Variants in SLC35F3 observed in about 807,000 individuals in gnomAD.
SLC35F3 encodes the protein solute carrier family 35 member F3, also known as putative thiamine transporter SLC35F3.
SLC35F3 carries 25 observed loss-of-function variants against 49.9 expected under a neutral mutation model. The ratio of observed to expected loss-of-function variants is 0.50; its 90% CI spans 0.37 to 0.70. SLC35F3 has a LOEUF of 0.70. Among genes scored for constraint, SLC35F3 ranks in the 30% least tolerant of loss-of-function variants. The pLI is 0.00. For missense variants in SLC35F3, 525 were observed against 639.8 expected (o/e 0.82, Z 1.94); for synonymous variants, 275 against 265.4 (o/e 1.04, Z -0.35).
rs115348471 is a variant in SLC35F3, at chr1:234,221,115, T to C, written c.284-10302T>C. On this transcript the variant is annotated intron_variant, in intron 2 of 7. Transcript: ENST00000366618. ...AACCGAGAAGAAAGAGAGAGAGTGA[T>C]GTGTCAGATGCAACCAAGAGAGGGT... 2.6e-3 allele frequency among the ~76,000 whole-genome samples: 394 copies of C among 151,780 alleles called. 6 individuals carry two copies. The highest frequency in any genetic ancestry group is 9.2e-3 in the African/African-American group (381 of 41,390).
At chr1:234,287,086 C>A (rs1668432809) in intron 3 of SLC35F3, among the ~76,000 whole-genome samples, 1 of 152,070 alleles carries the variant, frequency 6.6e-6, no homozygotes, top group Admixed American at 6.6e-5. Context: ...TTAGTCCCAG[C>A]TACTTGGGAG....
At chr1:234,195,141 G>A (rs1436318308) in intron 2 of SLC35F3, among the ~76,000 whole-genome samples, 1 of 152,186 alleles carries the variant, frequency 6.6e-6, no homozygotes. Context: ...AGTAACCCAA[G>A]GACACGTGTG....
At chr1:233,954,763 G>A (rs919320906) in intron 2 of SLC35F3, among the ~76,000 whole-genome samples, 5 of 152,154 alleles carry the variant, frequency 3.3e-5, no homozygotes, top group Admixed American at 3.3e-4. Context: ...TCCCTGATAA[G>A]CATAGCAAAC....
chr1:234,015,751 T>C (rs1027709730), intron 2 of SLC35F3, among the ~76,000 whole-genome samples: 1 of 152,204 alleles, frequency 6.6e-6, no homozygotes, highest in Non-Finnish European at 1.5e-5. Flanking sequence ...TGGGCAATGA[T>C]GTTTTGAATT....
chr1:233,994,223 A>G (rs1336867022), intron 2 of SLC35F3, among the ~76,000 whole-genome samples: 1 of 152,194 alleles, frequency 6.6e-6, no homozygotes, highest in Non-Finnish European at 1.5e-5. Flanking sequence ...ATGAGCCCTT[A>G]CTATGGACTA....
chr1:233,926,504 T>C (rs1259269097), intron 2 of SLC35F3, among the ~76,000 whole-genome samples: 2 of 152,192 alleles, frequency 1.3e-5, no homozygotes, highest in Non-Finnish European at 2.9e-5. Flanking sequence ...AGGTCTTCTC[T>C]ATGCTGTTTA....
chr1:234,312,566 G>T (rs1435270946), intron 4 of SLC35F3, among the ~76,000 whole-genome samples: 2 of 152,170 alleles, frequency 1.3e-5, no homozygotes, highest in Non-Finnish European at 2.9e-5. Context: ...AGACACAGTG[G>T]ACAGGCAATG....
At chr1:234,175,662 C>A (rs1255622091) in intron 2 of SLC35F3, among the ~76,000 whole-genome samples, 940 of 98,050 alleles carry the variant, frequency 9.6e-3, no homozygotes, top group African/African-American at 0.014. Context: ...GACCCTGTCT[C>A]AAAAAAAAAA....
chr1:233,937,285 T>G (rs566444347), intron 2 of SLC35F3, among the ~76,000 whole-genome samples: 29 of 152,240 alleles, frequency 1.9e-4, no homozygotes, highest in Non-Finnish European at 3.4e-4. Context: ...AAATGATATC[T>G]TTGATAAAGA....
At chr1:234,153,813 C>T (rs979659556) in intron 2 of SLC35F3, among the ~76,000 whole-genome samples, 1 of 151,746 alleles carries the variant, frequency 6.6e-6, no homozygotes, top group African/African-American at 2.4e-5. Context: ...GTGGCTCACG[C>T]CTGTAATCCC....
chr1:233,941,775 A>G (rs1228078570), intron 2 of SLC35F3, among the ~76,000 whole-genome samples: 1 of 152,074 alleles, frequency 6.6e-6, no homozygotes, highest in African/African-American at 2.4e-5. Context: ...AACCTTTAGG[A>G]CTAGATTTTT....
chr1:234,216,173 T>G (rs56035541), intron 2 of SLC35F3, among the ~76,000 whole-genome samples: 1 of 152,258 alleles, frequency 6.6e-6, no homozygotes, highest in East Asian at 1.9e-4. Flanking sequence ...AGGGAAGGAT[T>G]GGCCATTTAT....
At chr1:234,172,701 C>CA (rs530413197) in intron 2 of SLC35F3, among the ~76,000 whole-genome samples, 8 of 152,278 alleles carry the variant, frequency 5.3e-5, no homozygotes, top group African/African-American at 1.9e-4. Context: ...TTCTAGGCTA[C>CA]AAACTGGTAC....
chr1:234,282,355 T>G (rs917012614), intron 3 of SLC35F3, among the ~76,000 whole-genome samples: 1 of 152,196 alleles, frequency 6.6e-6, no homozygotes, highest in Non-Finnish European at 1.5e-5. Context: ...TAGTACATGA[T>G]ACAGATGGGG....
intron 4 of SLC35F3, among the ~76,000 whole-genome samples, chr1:234,311,795 G>A (rs1025937901): frequency 6.6e-6 from 1 of 152,300 alleles, no homozygotes; most frequent in Non-Finnish European, 1.5e-5. Flanking sequence ...CCAGGTCAGG[G>A]TTCTAGCTCA....
chr1:234,032,701 G>T (rs1047860477), intron 2 of SLC35F3, among the ~76,000 whole-genome samples: 1 of 152,068 alleles, frequency 6.6e-6, no homozygotes, highest in South Asian at 2.1e-4. Context: ...TCCTTTTTGT[G>T]GCTGAGTTAT....
rs185322602 is a variant in SLC35F3, at chr1:233,917,075, C to G, written c.283+11317C>G. Among the ~76,000 whole-genome samples, 125 of 152,254 alleles carry G rather than the reference C, an allele frequency of 8.2e-4. No homozygotes were observed. In the Middle Eastern group the frequency reaches 0.01, roughly 12 times the overall value. ...TAAATATATGGTATGGTTGTTATTT[C>G]CTAGAAAATAACATAGTGGGATTAC... On this transcript the variant is annotated intron_variant, in intron 2 of 7. Transcript: ENST00000366618.
intron 2 of SLC35F3, among the ~76,000 whole-genome samples, chr1:234,041,576 C>T (rs74364969): frequency 5.3e-5 from 8 of 152,034 alleles, no homozygotes; most frequent in Admixed American, 6.6e-5. Context: ...TTCACACTCA[C>T]ACACACCTGT....
At chr1:233,982,834 T>C (rs367702499) in intron 2 of SLC35F3, among the ~76,000 whole-genome samples, 4 of 152,276 alleles carry the variant, frequency 2.6e-5, no homozygotes, top group African/African-American at 9.6e-5. Context: ...ACAACTACCC[T>C]GTTAGAAATT....
Sources: gnomAD v4.1 joint callset for allele counts (sites outside exome capture counted in the v4.1 genomes callset) on GRCh38, gnomAD v4.1.1 for gene constraint, MANE v1.5 for transcripts, NCBI Gene and HGNC (gene_info 2026-07-23, HGNC 2026-07-21) for gene names.